PIGL: variants seen among roughly 807,000 people sequenced by gnomAD.
The protein encoded by PIGL is phosphatidylinositol glycan anchor biosynthesis class L.
In PIGL, 22 loss-of-function variants were observed where a neutral mutation model predicts 31.1. The ratio of observed to expected loss-of-function variants is 0.71; its 90% CI spans 0.51 to 1.01. The LOEUF (loss-of-function observed/expected upper bound fraction) is 1.01. PIGL is among the 50% of genes least tolerant of loss of function. PIGL has a pLI of 0.00. For missense variants in PIGL, 302 were observed against 315.9 expected, an observed-to-expected ratio of 0.96 and a Z score of 0.33; for synonymous variants, 131 against 117.4, an observed-to-expected ratio of 1.12 and a Z score of -0.75.
intron 5 of PIGL, 191 bp from the exon 6 acceptor site, chr17:16,317,584 T>C: frequency 7.2e-7 from 1 of 1,395,194 alleles, no homozygotes; most frequent in Non-Finnish European, 9.3e-7. Flanking sequence ...AGGTCTTCTA[T>C]GGCCCTTTTA....
intron 6 of PIGL, among the ~76,000 whole-genome samples, chr17:16,324,838 G>A (rs2093120452): frequency 6.6e-6 from 1 of 152,030 alleles, no homozygotes; most frequent in Admixed American, 6.6e-5. Context: ...AACTATACTA[G>A]GTCTGAATAA....
At chr17:16,300,300 C>T in intron 3 of PIGL, 1 of 243,500 alleles carries the variant, frequency 4.1e-6, no homozygotes, top group Non-Finnish European at 8.0e-6. Context: ...TCAGGTCCCC[C>T]AGAGCCTGCC....
intron 1 of PIGL, among the ~76,000 whole-genome samples, chr17:16,231,441 T>C (rs2142667958): frequency 6.6e-6 from 1 of 152,030 alleles, no homozygotes; most frequent in South Asian, 2.1e-4. Flanking sequence ...GGTCTCACTA[T>C]GTTGACCAGG....
At chr17:16,238,445 T>C (rs1422443804) in intron 2 of PIGL, among the ~76,000 whole-genome samples, 2 of 147,654 alleles carry the variant, frequency 1.4e-5, no homozygotes, top group Non-Finnish European at 3.0e-5. Flanking sequence ...TTCTTTTTTT[T>C]TTTTTTTTGA....
In PIGL at chr17:16,252,464, C is replaced by T. The variant is rs77513870; in HGVS notation, c.335+18394C>T. Among the ~76,000 whole-genome samples, 1,232 of 152,078 alleles carry T rather than the reference C, an allele frequency of 8.1e-3. 22 individuals carry two copies. The highest frequency in any genetic ancestry group is 0.028 in the African/African-American group (1,177 of 41,478). ...TAGATACCAAACTCTTTAACAGTAG[C>T]TGCTACTTAGTTGGAGCCAGGGAAG... On this transcript the variant is annotated intron_variant, in intron 2 of 6. Transcript: ENST00000225609.
At chr17:16,227,575 TTTC>T (rs2092657674) in intron 1 of PIGL, among the ~76,000 whole-genome samples, 1 of 128,078 alleles carries the variant, frequency 7.8e-6, no homozygotes, top group South Asian at 2.3e-4. Context: ...TTAATTTTCT[TTTC>T]TTTTTTTTTT....
intron 3 of PIGL, among the ~76,000 whole-genome samples, chr17:16,308,505 A>C (rs1423133649): frequency 6.6e-6 from 1 of 152,124 alleles, no homozygotes; most frequent in Non-Finnish European, 1.5e-5. Context: ...TAGGTGGTGA[A>C]CTGGGAATAC....
intron 2 of PIGL, among the ~76,000 whole-genome samples, chr17:16,281,521 G>A (rs1322850795): frequency 6.6e-6 from 1 of 152,182 alleles, no homozygotes; most frequent in African/African-American, 2.4e-5. Context: ...GGCCAGCACT[G>A]CAAGTGTATC....
At chr17:16,297,786 A>G (rs936656376) in intron 2 of PIGL, among the ~76,000 whole-genome samples, 6 of 152,192 alleles carry the variant, frequency 3.9e-5, no homozygotes, top group African/African-American at 1.4e-4. Flanking sequence ...AGTGGCCGAC[A>G]GGATAGGGCT....
intron 2 of PIGL, among the ~76,000 whole-genome samples, chr17:16,278,172 C>T (rs1056335523): frequency 1.3e-5 from 2 of 152,056 alleles, no homozygotes; most frequent in Non-Finnish European, 2.9e-5. Context: ...TCTTCTGCCT[C>T]AGTCTACCGA....
chr17:16,308,331 C>CAAAAA (rs146255775), intron 3 of PIGL, among the ~76,000 whole-genome samples: 1 of 149,666 alleles, frequency 6.7e-6, no homozygotes, highest in Non-Finnish European at 1.5e-5. Context: ...AACTCCGTCT[C>CAAAAA]AAAAAAAAAG....
chr17:16,309,907 G>C (rs2093041655), intron 3 of PIGL, among the ~76,000 whole-genome samples: 1 of 151,914 alleles, frequency 6.6e-6, no homozygotes, highest in African/African-American at 2.4e-5. Flanking sequence ...GTGAAACCCT[G>C]TCTCTACTGA....
chr17:16,281,564 T>G (rs1167011051), intron 2 of PIGL, among the ~76,000 whole-genome samples: 1 of 152,246 alleles, frequency 6.6e-6, no homozygotes, highest in Non-Finnish European at 1.5e-5. Flanking sequence ...CCACATCAAA[T>G]AGCATCAACC....
At chr17:16,225,993 G>A (rs2092650401) in intron 1 of PIGL, among the ~76,000 whole-genome samples, 2 of 148,418 alleles carry the variant, frequency 1.3e-5, no homozygotes, top group Admixed American at 1.4e-4. Context: ...GGGCAACATA[G>A]CCAGACCAGG....
At chr17:16,285,476 TG>T (rs1431637077) in intron 2 of PIGL, among the ~76,000 whole-genome samples, 6 of 151,870 alleles carry the variant, frequency 4.0e-5, no homozygotes, top group Admixed American at 1.3e-4. Context: ...TCCCAGCTAC[TG>T]GGGATGCTGA....
chr17:16,324,443 C>T (rs2093118857), intron 6 of PIGL: 1 of 152,130 alleles, frequency 6.6e-6, no homozygotes, highest in African/African-American at 2.4e-5. Context: ...TAATTGCAAT[C>T]TCCGCCTCCT....
intron 2 of PIGL, among the ~76,000 whole-genome samples, chr17:16,237,125 T>C (rs1252191017): frequency 2.2e-4 from 25 of 115,768 alleles, no homozygotes; most frequent in African/African-American, 7.4e-4. Context: ...TTTTTTTTTT[T>C]GAGATGGAGT....
intron 2 of PIGL, among the ~76,000 whole-genome samples, chr17:16,278,417 A>C (rs960475103): frequency 1.3e-5 from 2 of 152,212 alleles, no homozygotes; most frequent in Non-Finnish European, 2.9e-5. Context: ...AAAACTTTAT[A>C]GATAAATCTA....
chr17:16,324,096 A>G (rs1469022745), intron 6 of PIGL, among the ~76,000 whole-genome samples: 1 of 150,462 alleles, frequency 6.6e-6, no homozygotes, highest in Non-Finnish European at 1.5e-5. Flanking sequence ...AGCTGGGGTT[A>G]CAGGCGTGCA....
Sources: gnomAD v4.1 joint callset for allele counts (sites outside exome capture counted in the v4.1 genomes callset) on GRCh38, gnomAD v4.1.1 for gene constraint, MANE v1.5 for transcripts, NCBI Gene and HGNC (gene_info 2026-07-23, HGNC 2026-07-21) for gene names.